Variants in FBXO40 observed in about 807,000 individuals in gnomAD.
FBXO40 encodes F-box only protein 40.
A neutral mutation model predicts 49.9 loss-of-function variants in FBXO40; 50 were observed. That is an observed-to-expected ratio of 1.00 (90% CI 0.80 to 1.27). The LOEUF (loss-of-function observed/expected upper bound fraction) is 1.27, where lower values mean the gene tolerates loss of function less well. FBXO40 is among the 50% of genes most tolerant of loss of function. The probability of loss-of-function intolerance (pLI) is 0.00; values close to 1 mark genes in which losing one functional copy is unlikely to be tolerated. For synonymous variants in FBXO40, 340 were observed against 320.2 expected, an observed-to-expected ratio of 1.06 and a Z score of -0.66; for missense variants, 895 against 870.1, an observed-to-expected ratio of 1.03 and a Z score of -0.36.
In FBXO40 at chr3:121,622,738, C is replaced by T; in HGVS notation, c.1309C>T (p.Gln437Ter). 1 of 1,614,188 alleles carries T rather than the reference C, an allele frequency of 6.2e-7. No individual in the cohort carries two copies. Among genetic ancestry groups the T allele is most frequent in the South Asian group, 1.1e-5 (1 of 91,084 alleles). The part of the protein sequence containing the change: ...ATQTYNFEPE[Q>*]FSSGTVLADL... Reference sequence around the variant, plus strand: ...ACAAACATACAACTTTGAGCCAGAACAGTTTTCCTCTGGGACAGTGCTGGC... The same window carrying T: ...ACAAACATACAACTTTGAGCCAGAATAGTTTTCCTCTGGGACAGTGCTGGC... Residue 437 changes from glutamine to a stop codon, truncating the protein, a stop_gained, in exon 3 of 4, where the codon CAG becomes TAG. Transcript: ENST00000338040. LOFTEE classifies it high-confidence loss of function.
Position 121,620,530 on chromosome 3 carries a change from T to G in FBXO40, c.-30-16T>G, listed in dbSNP as rs1348916922. ...TGTTTTTCTTACTAATTATTTATAT[T>G]CATATTTTCCCGTAGAGCTAAGAAG... On this transcript the variant is annotated splice_polypyrimidine_tract_variant and intron_variant, in intron 1 of 3. Coordinates refer to ENST00000338040, the MANE Select transcript of FBXO40 (RefSeq NM_016298.4). The G allele has an allele frequency of 6.2e-7, 1 of 1,612,610 alleles. No homozygotes were observed. Among genetic ancestry groups the G allele is most frequent in the Non-Finnish European group, 8.5e-7 (1 of 1,178,778 alleles).
rs2049068015 is a variant in FBXO40 at position 121,627,341 on chromosome 3, G to C, written c.*431G>C. On this transcript the variant is annotated 3_prime_UTR_variant, in exon 4 of 4. Transcript: ENST00000338040. ...TTTATGGGACAGGAAATGCAGGATG[G>C]GACTCCCCAGGGAACGCAGGGTGAA... The C allele has an allele frequency of 5.4e-6, 1 of 186,200 alleles. No individual in the cohort carries two copies. The highest frequency in any genetic ancestry group is 5.5e-5 in the Admixed American group (1 of 18,260). 11.5% of individuals were successfully genotyped at this position (186,200 alleles called of 1,614,324 possible).
intron 1 of FBXO40, among the ~76,000 whole-genome samples, chr3:121,593,791 G>C (rs1027235290): frequency 2.6e-5 from 4 of 152,148 alleles, no homozygotes; most frequent in Non-Finnish European, 4.4e-5. Context: ...ACAACATGGT[G>C]ATGGGTGGGG....
In FBXO40 at chr3:121,621,584, C is replaced by G; in HGVS notation, c.155C>G (p.Ala52Gly). 1 of 1,614,220 alleles carries G rather than the reference C, an allele frequency of 6.2e-7. No individual in the cohort carries two copies. Among genetic ancestry groups the G allele is most frequent in the Non-Finnish European group, 8.5e-7 (1 of 1,180,032 alleles). Residue 52 changes from alanine (A) to glycine (G), a missense_variant, in exon 3 of 4, where the codon GCA (alanine) becomes GGA (glycine). By Grantham distance (60) the Ala-to-Gly change is moderately conservative. Transcript: ENST00000338040. ...GCCACCTTCCACATGTGCAAAGAGGCAGAGCACCAGCTCCTCTGCCCTTTA... is the reference window on the plus strand; with the variant it reads ...GCCACCTTCCACATGTGCAAAGAGGGAGAGCACCAGCTCCTCTGCCCTTTA... Reference protein sequence around the residue: ...CGATFHMCKEAEHQLLCPLEQ... With the variant: ...CGATFHMCKEGEHQLLCPLEQ...
intron 1 of FBXO40, among the ~76,000 whole-genome samples, chr3:121,615,753 G>A (rs566283952): frequency 5.7e-4 from 86 of 152,188 alleles, no homozygotes; most frequent in African/African-American, 2.0e-3. Context: ...GCACTCTCAG[G>A]ACATCTGGGC....
intron 2 of FBXO40, among the ~76,000 whole-genome samples, chr3:121,621,223 C>CAT (rs568998110): frequency 1.2e-3 from 181 of 152,260 alleles, no homozygotes; most frequent in African/African-American, 4.3e-3. Context: ...ACATCTACTA[C>CAT]ATATATATAA....
chr3:121,623,688 C>CT (rs11455375), intron 3 of FBXO40, among the ~76,000 whole-genome samples: 66,323 of 128,846 alleles, frequency 0.51, 17,546 homozygotes, highest in African/African-American at 0.59. Flanking sequence ...TTTTAAAGGC[C>CT]TTTTTTTTTT....
intron 3 of FBXO40, among the ~76,000 whole-genome samples, chr3:121,623,636 A>G (rs1316095452): frequency 6.6e-6 from 1 of 151,854 alleles, no homozygotes; most frequent in African/African-American, 2.4e-5. Flanking sequence ...AAAAGTGCTG[A>G]AATTACAGGT....
rs1560132567 is a variant in FBXO40 at position 121,622,173 on chromosome 3, A to G, written c.744A>G (p.Lys248=). 11 of 1,614,154 alleles carry G rather than the reference A, an allele frequency of 6.8e-6. No individual in the cohort carries two copies. Among genetic ancestry groups the G allele is most frequent in the African/African-American group, 1.3e-5 (1 of 75,072 alleles). The change falls in exon 3 of 4, where the codon AAA becomes AAG. Residue 248 remains lysine, a synonymous_variant. Coordinates refer to ENST00000338040, the MANE Select transcript of FBXO40 (RefSeq NM_016298.4). ...CESKNKNDSE[K]EQISSGHNMV... is the part of the protein sequence containing the mutation. ...GCAAGAACAAGAATGACTCCGAGAAAGAACAGATTTCCAGTGGCCATAACA... is the reference window on the plus strand; with the variant it reads ...GCAAGAACAAGAATGACTCCGAGAAGGAACAGATTTCCAGTGGCCATAACA...
rs2108851777 is a variant in FBXO40 at position 121,623,215 on chromosome 3, C to T, written c.1786C>T (p.Leu596Phe). 6.2e-7 allele frequency: 1 copy of T among 1,614,206 alleles called. No individual in the cohort carries two copies. Among genetic ancestry groups the T allele is most frequent in the East Asian group, 2.2e-5 (1 of 44,896 alleles). Residue 596 changes from leucine to phenylalanine, a missense_variant, in exon 3 of 4, where the codon CTC becomes TTC. Leu to Phe is a conservative substitution (Grantham distance 22). Transcript: ENST00000338040. ...CTTGGACAGCGTCAGCCTGGCCCAG[C>T]TCTCCCAGGTGTCTGTGCTGATGAG... The part of the protein sequence containing the change: ...GFLDSVSLAQ[L>F]SQVSVLMRNI...
intron 1 of FBXO40, among the ~76,000 whole-genome samples, chr3:121,602,388 T>A (rs1372950574): frequency 6.6e-6 from 1 of 152,158 alleles, no homozygotes; most frequent in Non-Finnish European, 1.5e-5. Context: ...TCAGGACCCA[T>A]CTCTCCTCCC....
At chr3:121,608,453 A>C (rs1346654817) in intron 1 of FBXO40, among the ~76,000 whole-genome samples, 2 of 152,206 alleles carry the variant, frequency 1.3e-5, no homozygotes, top group African/African-American at 2.4e-5. Context: ...TAAGAGGCTC[A>C]TCTCTTAAGT....
rs537187405 is a variant in FBXO40, at chr3:121,597,748, G to A, written c.-31+4246G>A. On this transcript the variant is annotated intron_variant, in intron 1 of 3. Coordinates refer to ENST00000338040, the MANE Select transcript of FBXO40 (RefSeq NM_016298.4). The stretch of plus-strand genomic sequence containing the variant: ...ATGATCTTGGCTCACCACAACCTCT[G>A]CCTCCCAGGTTCAAGTGGTTCTTGA... 4.3e-5 allele frequency among the ~76,000 whole-genome samples: 6 copies of A among 140,960 alleles called. No homozygotes were observed. In the East Asian group the frequency reaches 1.2e-3, roughly 29 times the overall value. The allele number at this position is 140,960 out of a possible 152,430, so 92.5% of individuals were successfully genotyped here. A position where few individuals can be genotyped will look rare whatever the true frequency, so the allele number is the denominator to read the frequency against.
Position 121,621,481 on chromosome 3 carries a change from T to C in FBXO40, c.52T>C (p.Cys18Arg). ...PPGHHRHCEG[C>R]FNRHCHIPVE... ...AGGGCACCACAGGCATTGTGAGGGA[T>C]GCTTCAACCGCCACTGCCACATTCC... The change falls in exon 3 of 4, where the codon TGC (cysteine) becomes CGC (arginine). Residue 18 changes from cysteine to arginine, a missense_variant. Physicochemically the swap from Cys to Arg is radical, Grantham distance 180. Transcript: ENST00000338040. 6.2e-7 allele frequency: 1 copy of C among 1,614,212 alleles called. No homozygotes were observed. Among genetic ancestry groups the C allele is most frequent in the Non-Finnish European group, 8.5e-7 (1 of 1,180,032 alleles).
rs779455968 is a variant in FBXO40 at position 121,626,940 on chromosome 3, T to C, written c.*30T>C. 17 of 1,604,388 alleles carry C rather than the reference T, an allele frequency of 1.1e-5. No individual in the cohort carries two copies. In the Admixed American group the frequency reaches 2.0e-4, roughly 19 times the overall value. On this transcript the variant is annotated 3_prime_UTR_variant, in exon 4 of 4. Transcript: ENST00000338040. ...TCAGATGCCACTCGATGCACCCTTC[T>C]TGGATTTCTTCTCGGAGTTCCTGAA... is the stretch of plus-strand genomic sequence containing the variant.
At chr3:121,604,962 A>G (rs2048924204) in intron 1 of FBXO40, among the ~76,000 whole-genome samples, 1 of 146,114 alleles carries the variant, frequency 6.8e-6, no homozygotes, top group Non-Finnish European at 1.5e-5. Context: ...TTATTTATTT[A>G]TTTATTTATT....
intron 1 of FBXO40, among the ~76,000 whole-genome samples, 176 bp from the exon 2 acceptor site, chr3:121,620,370 G>C (rs1211722730): frequency 6.6e-6 from 1 of 152,158 alleles, no homozygotes; most frequent in Non-Finnish European, 1.5e-5. Flanking sequence ...TGTGACCTTG[G>C]ACAAGTTACT....
intron 3 of FBXO40, among the ~76,000 whole-genome samples, chr3:121,625,791 A>T (rs1225033535): frequency 6.6e-6 from 1 of 152,232 alleles, no homozygotes; most frequent in Non-Finnish European, 1.5e-5. Flanking sequence ...ATGGATTTTT[A>T]AAGTAAAAAG....
At position 121,621,469 on chromosome 3, in the gene FBXO40, C is replaced by T. The variant is rs201682619; in HGVS notation, c.40C>T (p.His14Tyr). The T allele has an allele frequency of 4.3e-6, 7 of 1,613,974 alleles. No individual in the cohort carries two copies. Among genetic ancestry groups the T allele is most frequent in the Non-Finnish European group, 5.9e-6 (7 of 1,179,986 alleles). Residue 14 changes from histidine (H) to tyrosine (Y), a missense_variant, in exon 3 of 4, where the codon CAT becomes TAT. Physicochemically the swap from His to Tyr is moderately conservative, Grantham distance 83. Coordinates refer to ENST00000338040, the MANE Select transcript of FBXO40 (RefSeq NM_016298.4). ...CAGATCCCCGCCAGGGCACCACAGG[C>T]ATTGTGAGGGATGCTTCAACCGCCA... ...ARRSPPGHHR[H>Y]CEGCFNRHCH... is the part of the protein sequence containing the mutation.
Sources: allele counts gnomAD v4.1 joint callset (sites outside exome capture counted in the v4.1 genomes callset), GRCh38; gene constraint gnomAD v4.1.1; transcripts MANE v1.5; gene names NCBI Gene and HGNC (gene_info 2026-07-23, HGNC 2026-07-21).